The following PKD2 variants were observed in gnomAD, a reference collection of about 807,000 sequenced individuals.
The protein encoded by PKD2 is polycystin 2, transient receptor potential cation channel.
In PKD2, 48 loss-of-function variants were observed where a neutral mutation model predicts 105.9. The ratio of observed to expected loss-of-function variants is 0.45; its 90% CI spans 0.36 to 0.58. The LOEUF (loss-of-function observed/expected upper bound fraction) is 0.58. Ranked by LOEUF, PKD2 falls within the 20% of genes least tolerant of loss-of-function variation. The pLI is 0.00. For synonymous variants in PKD2, 464 were observed against 481.1 expected (o/e 0.96, Z 0.46); for missense variants, 1,078 against 1,255.3 (o/e 0.86, Z 2.13).
At chr4:88,069,726 A>G (rs910839333) in intron 13 of PKD2, among the ~76,000 whole-genome samples, 17 of 152,144 alleles carry the variant, frequency 1.1e-4, no homozygotes, top group African/African-American at 4.1e-4. Flanking sequence ...GAGGAAGTAT[A>G]TATTTATAAA....
intron 1 of PKD2, among the ~76,000 whole-genome samples, chr4:88,011,228 CAT>C (rs1726371136): frequency 6.6e-6 from 1 of 151,914 alleles, no homozygotes; most frequent in Non-Finnish European, 1.5e-5. Flanking sequence ...CACTCTGAGT[CAT>C]AAAATTTTCT....
chr4:88,009,768 T>C (rs1224089757), intron 1 of PKD2, among the ~76,000 whole-genome samples: 1 of 152,204 alleles, frequency 6.6e-6, no homozygotes, highest in African/African-American at 2.4e-5. Flanking sequence ...GGATTAATTA[T>C]GTTATTTTAC....
Position 88,065,967 on chromosome 4 carries a change from G to T in PKD2, c.2358+88G>T, listed in dbSNP as rs2110138874. ...CACTATAGAAGTAGTGGGTTATTGA[G>T]TCTCTTGCCCATTCCCCACCACACT... On this transcript the variant is annotated intron_variant, in intron 12 of 14. Transcript: ENST00000237596. The T allele has an allele frequency of 6.1e-6, 5 of 815,186 alleles. No individual in the cohort carries two copies. In the East Asian group the frequency reaches 1.2e-4, roughly 20 times the overall value. The allele number at this position is 815,186 out of a possible 1,614,324, so 50.5% of individuals were successfully genotyped here. A position where few individuals can be genotyped will look rare whatever the true frequency, so the allele number is the denominator to read the frequency against.
intron 10 of PKD2, among the ~76,000 whole-genome samples, chr4:88,064,728 C>CAAA (rs1038939820): frequency 7.6e-6 from 1 of 131,512 alleles, no homozygotes; most frequent in Non-Finnish European, 1.7e-5. Flanking sequence ...CCTGTCTCTA[C>CAAA]AAAAAAAAAA....
intron 10 of PKD2, 71 bp from the exon 11 acceptor site, chr4:88,065,303 A>G: frequency 5.0e-6 from 7 of 1,392,612 alleles, no homozygotes; most frequent in Non-Finnish European, 7.1e-6. Context: ...TACTACTGTG[A>G]ATGGAAAGTA....
At chr4:88,045,370 G>T (rs750880472) in intron 5 of PKD2, among the ~76,000 whole-genome samples, 13 of 152,174 alleles carry the variant, frequency 8.5e-5, no homozygotes, top group Non-Finnish European at 1.9e-4. Context: ...AAGAACAGGA[G>T]AACTGACAAT....
At chr4:88,009,109 C>T (rs75259933) in intron 1 of PKD2, among the ~76,000 whole-genome samples, 4,111 of 152,222 alleles carry the variant, frequency 0.027, 67 homozygotes, top group South Asian at 0.047. Flanking sequence ...TGTGTCTGAG[C>T]CCAGTGCGCC....
chr4:88,061,706 C>G (rs1266638474), intron 9 of PKD2, among the ~76,000 whole-genome samples, 200 bp from the exon 10 acceptor site: 2 of 151,784 alleles, frequency 1.3e-5, no homozygotes, highest in African/African-American at 4.8e-5. Context: ...CCCCTGCACT[C>G]CAGCCTGGGC....
intron 1 of PKD2, among the ~76,000 whole-genome samples, chr4:88,016,212 C>G (rs893038351): frequency 1.1e-4 from 17 of 152,148 alleles, no homozygotes; most frequent in Admixed American, 2.6e-4. Flanking sequence ...CCGTCTGCAG[C>G]CTGGGGACTG....
chr4:88,028,456 A>G (rs1727033716), intron 2 of PKD2, among the ~76,000 whole-genome samples: 1 of 152,260 alleles, frequency 6.6e-6, no homozygotes, highest in African/African-American at 2.4e-5. Context: ...AGAAGTAACT[A>G]TTAAGCCTTC....
intron 2 of PKD2, among the ~76,000 whole-genome samples, chr4:88,024,097 T>C (rs1726862047): frequency 6.6e-6 from 1 of 152,148 alleles, no homozygotes; most frequent in South Asian, 2.1e-4. Context: ...TAAATAGCAA[T>C]AGTATTGCTA....
intron 2 of PKD2, among the ~76,000 whole-genome samples, chr4:88,031,637 C>T (rs1560604748): frequency 1.3e-5 from 2 of 152,144 alleles, no homozygotes; most frequent in African/African-American, 4.8e-5. Context: ...AATTTCTTAA[C>T]AGATATATAT....
intron 5 of PKD2, among the ~76,000 whole-genome samples, chr4:88,046,416 C>T (rs1727768008): frequency 6.6e-6 from 1 of 151,594 alleles, no homozygotes; most frequent in Non-Finnish European, 1.5e-5. Context: ...GGAAGTACTC[C>T]TTTGGGACTG....
intron 1 of PKD2, among the ~76,000 whole-genome samples, chr4:88,010,877 T>G (rs60605178): frequency 0.3 from 46,110 of 152,176 alleles, 7,949 homozygotes; most frequent in African/African-American, 0.47. Context: ...GAAGACATGT[T>G]TGAGGCCTGT....
rs200001068 is a variant in PKD2, at chr4:88,038,323, C to G, written c.916C>G (p.Arg306Gly). Reference protein sequence around the residue: ...QPSNQTEADNRSFIFYENLLL... With the variant: ...QPSNQTEADNGSFIFYENLLL... ...CAGCAACCAGACTGAAGCTGACAACCGAAGTTTCATCTTCTATGAGAACCT... is the reference window on the plus strand; with the variant it reads ...CAGCAACCAGACTGAAGCTGACAACGGAAGTTTCATCTTCTATGAGAACCT... The change falls in exon 4 of 15, where the codon CGA (arginine) becomes GGA (glycine). Residue 306 changes from arginine (R) to glycine (G), a missense_variant. Transcript: ENST00000237596. 3.7e-6 allele frequency: 6 copies of G among 1,613,598 alleles called. No homozygotes were observed. Among genetic ancestry groups the G allele is most frequent in the African/African-American group, 1.3e-5 (1 of 74,890 alleles).
chr4:88,063,653 T>C (rs1253736130), intron 10 of PKD2, among the ~76,000 whole-genome samples: 2 of 151,100 alleles, frequency 1.3e-5, no homozygotes, highest in Non-Finnish European at 3.0e-5. Context: ...AATAGCTGAG[T>C]GAAGAAGAAA....
chr4:88,051,970 T>C (rs370420329), intron 6 of PKD2, 21 bp from the exon 7 acceptor site: 29 of 1,377,872 alleles, frequency 2.1e-5, no homozygotes, highest in Admixed American at 5.1e-5. Flanking sequence ...TGTAATAAAA[T>C]ATAAATATTT....
At chr4:88,070,952 A>G (rs1343801813) in intron 13 of PKD2, among the ~76,000 whole-genome samples, 3 of 151,472 alleles carry the variant, frequency 2.0e-5, no homozygotes, top group African/African-American at 7.3e-5. Context: ...TTTATTTATT[A>G]TACTTTTCAA....
At chr4:88,069,680 T>C (rs187695557) in intron 13 of PKD2, among the ~76,000 whole-genome samples, 1 of 152,232 alleles carries the variant, frequency 6.6e-6, no homozygotes, top group East Asian at 1.9e-4. Flanking sequence ...TAATATATAG[T>C]ATATAATTTT....
Sources: gnomAD v4.1 joint callset for allele counts (sites outside exome capture counted in the v4.1 genomes callset) on GRCh38, gnomAD v4.1.1 for gene constraint, MANE v1.5 for transcripts, NCBI Gene and HGNC (gene_info 2026-07-23, HGNC 2026-07-21) for gene names.